The following MYO1H variants were observed in gnomAD, a reference collection of about 807,000 sequenced individuals.
The protein encoded by MYO1H is unconventional myosin-Ih.
A neutral mutation model predicts 149.3 loss-of-function variants in MYO1H; 118 were observed. The ratio of observed to expected loss-of-function variants is 0.79; its 90% CI spans 0.68 to 0.92. The LOEUF (loss-of-function observed/expected upper bound fraction) is 0.92. MYO1H is among the 40% of genes least tolerant of loss of function. The pLI, the probability that MYO1H is intolerant of heterozygous loss-of-function variation, is 0.00. For synonymous variants in MYO1H, 447 were observed against 465.2 expected (o/e 0.96, Z 0.50); for missense variants, 1,212 against 1,280.7 (o/e 0.95, Z 0.82).
exon 28 of MYO1H, chr12:109,443,536 A>G: frequency 1.2e-6 from 2 of 1,613,872 alleles, no homozygotes; most frequent in African/African-American, 2.7e-5. Flanking sequence ...GTCATTAAAT[A>G]TGACAGAAAA....
At chr12:109,414,950 G>A (rs571051100) in intron 14 of MYO1H, among the ~76,000 whole-genome samples, 52 of 152,088 alleles carry the variant, frequency 3.4e-4, no homozygotes, top group Admixed American at 3.9e-4. Flanking sequence ...GGCCTTAAAC[G>A]ATCCTCCTGC....
chr12:109,415,492 G>T (rs767859485), intron 14 of MYO1H, 34 bp from the exon 15 acceptor site: 3 of 1,555,426 alleles, frequency 1.9e-6, no homozygotes, highest in Non-Finnish European at 2.6e-6. Flanking sequence ...GAAAAGAAAA[G>T]AAAGTTCAAC....
At chr12:109,359,114 T>C (rs987109730) in intron 1 of MYO1H, 3 of 152,154 alleles carry the variant, frequency 2.0e-5, no homozygotes, top group Admixed American at 2.0e-4. Context: ...GCCGGGGAGC[T>C]GTCCCCGCTC....
intron 11 of MYO1H, among the ~76,000 whole-genome samples, 159 bp from the exon 12 acceptor site, chr12:109,409,804 T>C (rs2135559202): frequency 6.6e-6 from 1 of 152,358 alleles, no homozygotes; most frequent in South Asian, 2.1e-4. Flanking sequence ...AATGCAAATA[T>C]ATTTTCACTT....
chr12:109,375,264 C>T (rs946431374), intron 1 of MYO1H, among the ~76,000 whole-genome samples: 11 of 151,804 alleles, frequency 7.2e-5, no homozygotes, highest in Non-Finnish European at 1.2e-4. Context: ...GCCACCCTCC[C>T]ACCTCAGCCT....
chr12:109,332,762 T>C, the MYO1H span, among the ~76,000 whole-genome samples: 1 of 152,076 alleles, frequency 6.6e-6, no homozygotes, highest in African/African-American at 2.4e-5. Flanking sequence ...AAATTTTTAT[T>C]GTAGAGATGG....
chr12:109,424,710 A>T (rs759919763), intron 16 of MYO1H, 38 bp from the exon 17 acceptor site: 1 of 1,562,384 alleles, frequency 6.4e-7, no homozygotes, highest in Non-Finnish European at 8.8e-7. Context: ...GTGATTTCTG[A>T]AACAGCGAAC....
At chr12:109,410,853 T>TGAGCC (rs1870632450) in intron 13 of MYO1H, 85 bp downstream of exon 13, 2 of 967,162 alleles carry the variant, frequency 2.1e-6, no homozygotes, top group East Asian at 5.2e-5. Context: ...TAAAAAGGGT[T>TGAGCC]GAGCCAGGCC....
At chr12:109,426,814 A>G (rs972143908) in intron 18 of MYO1H, among the ~76,000 whole-genome samples, 1 of 152,154 alleles carries the variant, frequency 6.6e-6, no homozygotes, top group Non-Finnish European at 1.5e-5. Context: ...AAAGCAAATG[A>G]GTGAAGCAGA....
rs74498578 is a variant in MYO1H, at chr12:109,433,167, T to C, written c.2063+157T>C. Among the ~76,000 whole-genome samples, 1,502 of 152,334 alleles carry C rather than the reference T, an allele frequency of 9.9e-3. 35 individuals are homozygous for C. Among genetic ancestry groups the C allele is most frequent in the African/African-American group, 0.035 (1,435 of 41,564 alleles). On this transcript the variant is annotated intron_variant, in intron 20 of 31. Coordinates refer to ENST00000310903, the Ensembl canonical transcript of MYO1H. ...CATCTACTCGATGTAAATGCAGCTC[T>C]TAATTCTTTAGAAGAGCTATGGTGC...
the MYO1H span, among the ~76,000 whole-genome samples, chr12:109,322,655 A>G: frequency 6.6e-6 from 1 of 151,708 alleles, no homozygotes; most frequent in East Asian, 1.9e-4. Flanking sequence ...CTCTGTCTCT[A>G]CTAAAATTAC....
intron 27 of MYO1H, among the ~76,000 whole-genome samples, chr12:109,443,009 A>AAAAAATATAT (rs1371725807): frequency 6.8e-5 from 4 of 58,492 alleles, no homozygotes; most frequent in African/African-American, 4.3e-4. Flanking sequence ...AAAAAAAAAA[A>AAAAAATATAT]ATATATATAT....
Position 109,444,312 on chromosome 12 carries a change from A to C in MYO1H, c.2895+29A>C. 1.9e-6 allele frequency: 3 copies of C among 1,605,124 alleles called. No individual in the cohort carries two copies. In the South Asian group the frequency reaches 3.3e-5, roughly 18 times the overall value. On this transcript the variant is annotated intron_variant, in intron 29 of 31. Coordinates refer to ENST00000310903, the Ensembl canonical transcript of MYO1H. ...ATTGACAGCCACCAGTCTCTACTAA[A>C]AGACAGAAACAATACACTGCCAAAA...
At chr12:109,344,352 A>G (rs961881880), upstream of MYO1H, among the ~76,000 whole-genome samples, 1 of 152,216 alleles carries the variant, frequency 6.6e-6, no homozygotes, top group Non-Finnish European at 1.5e-5. Flanking sequence ...TATGCTGGCA[A>G]TGAACAATCT....
intron 24 of MYO1H, chr12:109,440,517 G>A: frequency 4.0e-6 from 2 of 494,922 alleles, no homozygotes; most frequent in Admixed American, 3.4e-5. Flanking sequence ...AGCCAGTTCT[G>A]CAGGTGAGTC....
At chr12:109,411,262 C>T (rs188793330) in intron 13 of MYO1H, among the ~76,000 whole-genome samples, 1 of 152,186 alleles carries the variant, frequency 6.6e-6, no homozygotes. Flanking sequence ...TACCACCACA[C>T]CTGGCTAAAT....
At chr12:109,396,814 G>GTC (rs1869930350) in intron 4 of MYO1H, among the ~76,000 whole-genome samples, 1 of 51,088 alleles carries the variant, frequency 2.0e-5, no homozygotes. Flanking sequence ...TTTTGGTTTC[G>GTC]TTTTTTTTTT....
chr12:109,368,824 C>T (rs1486422171), intron 1 of MYO1H, among the ~76,000 whole-genome samples: 1 of 151,966 alleles, frequency 6.6e-6, no homozygotes, highest in Non-Finnish European at 1.5e-5. Context: ...TTCCTTCCCC[C>T]TCCAGCAGTC....
chr12:109,335,773 C>T, the MYO1H span, among the ~76,000 whole-genome samples: 570 of 152,248 alleles, frequency 3.7e-3, 1 homozygote, highest in Admixed American at 8.7e-3. Flanking sequence ...GGCTCCTATG[C>T]ATTTCTTTCC....
Sources: allele counts gnomAD v4.1 joint callset (sites outside exome capture counted in the v4.1 genomes callset), GRCh38; gene constraint gnomAD v4.1.1; transcripts MANE v1.5; gene names NCBI Gene and HGNC (gene_info 2026-07-23, HGNC 2026-07-21).